Variants in FARP1 observed in about 807,000 individuals in gnomAD.
FARP1 encodes FERM, ARHGEF and pleckstrin domain-containing protein 1.
In FARP1, 52 loss-of-function variants were observed where a neutral mutation model predicts 128.8. The ratio of observed to expected loss-of-function variants is 0.40; its 90% CI spans 0.32 to 0.51. FARP1 has a LOEUF of 0.51. FARP1 is among the 20% of genes least tolerant of loss of function. FARP1 has a pLI of 0.45. For synonymous variants in FARP1, 580 were observed against 551.8 expected (o/e 1.05, Z -0.72); for missense variants, 1,333 against 1,367.9 (o/e 0.97, Z 0.40).
intron 2 of FARP1, among the ~76,000 whole-genome samples, chr13:98,231,157 A>G (rs1343829550): frequency 6.6e-6 from 1 of 152,212 alleles, no homozygotes; most frequent in Non-Finnish European, 1.5e-5. Flanking sequence ...GCCAAATCAT[A>G]TCAGCAGGGA....
In FARP1 at chr13:98,451,706, G is replaced by A. The variant is rs1280188579; in HGVS notation, c.*3389G>A. 3.9e-5 allele frequency: 6 copies of A among 152,168 alleles called. No individual in the cohort carries two copies. The highest frequency in any genetic ancestry group is 7.2e-5 in the African/African-American group (3 of 41,428). 9.4% of individuals were successfully genotyped at this position (152,168 alleles called of 1,614,324 possible). A position where few individuals can be genotyped will look rare whatever the true frequency, so the allele number is the denominator to read the frequency against. Reference sequence around the variant, plus strand: ...TCCACAAGAACTGGCACACCCACGGGAGATGTCAATCATCAGCTTCAACAA... The same window carrying A: ...TCCACAAGAACTGGCACACCCACGGAAGATGTCAATCATCAGCTTCAACAA... On this transcript the variant is annotated 3_prime_UTR_variant, in exon 27 of 27. Transcript: ENST00000319562.
At chr13:98,372,356 A>G (rs1028110850) in intron 5 of FARP1, among the ~76,000 whole-genome samples, 4 of 152,124 alleles carry the variant, frequency 2.6e-5, no homozygotes, top group African/African-American at 7.2e-5. Flanking sequence ...AAGTGCTGGC[A>G]TTACAGGCCT....
At chr13:98,315,157 G>T (rs868050609) in intron 2 of FARP1, among the ~76,000 whole-genome samples, 1 of 152,144 alleles carries the variant, frequency 6.6e-6, no homozygotes, top group Non-Finnish European at 1.5e-5. Flanking sequence ...TTAAAACAGG[G>T]TCTTGCCCTG....
intron 17 of FARP1, among the ~76,000 whole-genome samples, chr13:98,429,136 T>C (rs550317323): frequency 4.6e-5 from 7 of 152,298 alleles, no homozygotes; most frequent in Non-Finnish European, 1.0e-4. Flanking sequence ...AGTCATGAAA[T>C]CAACCCAGCA....
At chr13:98,202,608 C>T (rs1200226477) in intron 1 of FARP1, among the ~76,000 whole-genome samples, 1 of 151,604 alleles carries the variant, frequency 6.6e-6, no homozygotes, top group Non-Finnish European at 1.5e-5. Context: ...TCATCTCACT[C>T]GATTTATGCT....
At chr13:98,212,580 G>A (rs1237247499) in intron 1 of FARP1, among the ~76,000 whole-genome samples, 1 of 150,434 alleles carries the variant, frequency 6.6e-6, no homozygotes, top group African/African-American at 2.5e-5. Flanking sequence ...GTATAGTATA[G>A]TGTGTAGAAT....
intron 2 of FARP1, among the ~76,000 whole-genome samples, chr13:98,317,038 C>T (rs1886750574): frequency 6.6e-6 from 1 of 152,158 alleles, no homozygotes; most frequent in African/African-American, 2.4e-5. Context: ...GAACAAGCAG[C>T]TCCATGCTCA....
intron 2 of FARP1, among the ~76,000 whole-genome samples, chr13:98,214,862 C>T (rs892559885): frequency 6.6e-6 from 1 of 152,220 alleles, no homozygotes; most frequent in African/African-American, 2.4e-5. Context: ...CCTCCTGGCA[C>T]ACGTGGTCCG....
intron 3 of FARP1, among the ~76,000 whole-genome samples, chr13:98,351,199 T>C (rs1424138437): frequency 6.6e-6 from 1 of 152,138 alleles, no homozygotes; most frequent in Non-Finnish European, 1.5e-5. Context: ...TAATAAACCC[T>C]CTTCTGAATG....
Position 98,385,638 on chromosome 13 carries a change from G to A in FARP1, c.612-29G>A, listed in dbSNP as rs962534629. 6 of 1,612,880 alleles carry A rather than the reference G, an allele frequency of 3.7e-6. No individual in the cohort carries two copies. In the African/African-American group the frequency reaches 8.0e-5, roughly 22 times the overall value. Reference sequence around the variant, plus strand: ...AGATACAGGGAATTCAAATCTCCTGGCCTTTCTGTTTAATTTTTGTTTTGT... The same window carrying A: ...AGATACAGGGAATTCAAATCTCCTGACCTTTCTGTTTAATTTTTGTTTTGT... On this transcript the variant is annotated intron_variant, in intron 7 of 26. Transcript: ENST00000319562.
chr13:98,276,376 C>T (rs1884654224), intron 2 of FARP1, among the ~76,000 whole-genome samples: 1 of 152,134 alleles, frequency 6.6e-6, no homozygotes, highest in Admixed American at 6.5e-5. Flanking sequence ...ATATGGTCTA[C>T]TCTGCCCTGT....
intron 2 of FARP1, among the ~76,000 whole-genome samples, chr13:98,300,138 A>T (rs1377378955): frequency 6.6e-6 from 1 of 152,236 alleles, no homozygotes; most frequent in Non-Finnish European, 1.5e-5. Flanking sequence ...TTCCCCTGAG[A>T]GCACTGTATC....
chr13:98,394,252 T>C (rs542159107), intron 12 of FARP1, among the ~76,000 whole-genome samples: 5 of 152,184 alleles, frequency 3.3e-5, no homozygotes, highest in Non-Finnish European at 7.3e-5. Context: ...AGTTGGTCTC[T>C]GGGTAAGTTC....
rs1892351096 is a variant in FARP1 at position 98,437,933 on chromosome 13, A to G, written c.2275-871A>G. On this transcript the variant is annotated intron_variant, in intron 19 of 26. Transcript: ENST00000319562. ...TTCTTGGCACTCATCAGGCCGCCAC[A>G]CATCCACTCATTGTTTCAAATCAAC... is the stretch of plus-strand genomic sequence containing the variant. 3.5e-6 allele frequency: 4 copies of G among 1,146,998 alleles called. No homozygotes were observed. The Admixed American group carries it at 6.8e-5, about 19-fold the overall frequency. 71.1% of individuals were successfully genotyped at this position (1,146,998 alleles called of 1,614,324 possible). A position where few individuals can be genotyped will look rare whatever the true frequency, so the allele number is the denominator to read the frequency against.
intron 1 of FARP1, among the ~76,000 whole-genome samples, chr13:98,173,798 G>C (rs1322481810): frequency 6.6e-6 from 1 of 152,196 alleles, no homozygotes. Context: ...ATAAAGTGCC[G>C]GTAACCACGG....
chr13:98,339,514 G>T (rs1887875980), intron 2 of FARP1, among the ~76,000 whole-genome samples: 1 of 152,138 alleles, frequency 6.6e-6, no homozygotes, highest in East Asian at 1.9e-4. Context: ...CCATTGTAGT[G>T]CCATTTACCC....
At chr13:98,386,875 A>G (rs967081551) in intron 8 of FARP1, among the ~76,000 whole-genome samples, 9 of 152,240 alleles carry the variant, frequency 5.9e-5, no homozygotes, top group Non-Finnish European at 1.0e-4. Context: ...ATTACAAATC[A>G]CATCCCAAGA....
Position 98,449,202 on chromosome 13 carries a change from C to CAGA in FARP1, c.*886_*888dup, listed in dbSNP as rs569882558. On this transcript the variant is annotated 3_prime_UTR_variant, in exon 27 of 27. Coordinates refer to ENST00000319562, the MANE Select transcript of FARP1 (RefSeq NM_005766.4). ...GAGCGTTTAGTGAGCCTGCTGGCTG[C>CAGA]AGAGCACTATGAAATCATGGTACGT... The CAGA allele has an allele frequency of 3.4e-4, 52 of 152,364 alleles. No individual in the cohort carries two copies. Among genetic ancestry groups the CAGA allele is most frequent in the African/African-American group, 9.9e-4 (41 of 41,572 alleles). The allele number at this position is 152,364 out of a possible 1,614,324, so 9.4% of individuals were successfully genotyped here. A position where few individuals can be genotyped will look rare whatever the true frequency, so the allele number is the denominator to read the frequency against.
chr13:98,380,626 C>T (rs910745283), intron 6 of FARP1, among the ~76,000 whole-genome samples: 12 of 151,986 alleles, frequency 7.9e-5, no homozygotes, highest in East Asian at 1.9e-4. Flanking sequence ...CAGATTGGAG[C>T]GTAGTCTCTC....
Sources: allele counts gnomAD v4.1 joint callset (sites outside exome capture counted in the v4.1 genomes callset), GRCh38; gene constraint gnomAD v4.1.1; transcripts MANE v1.5; gene names NCBI Gene and HGNC (gene_info 2026-07-23, HGNC 2026-07-21).